Variants in NUP133 observed in about 807,000 individuals in gnomAD.
NUP133 encodes the protein nuclear pore complex protein Nup133.
In NUP133, 66 loss-of-function variants were observed where a neutral mutation model predicts 146.2. That is an observed-to-expected ratio of 0.45 (90% confidence interval 0.37 to 0.55). NUP133 has a LOEUF of 0.55. NUP133 is among the 20% of genes least tolerant of loss of function. The pLI is 0.00. For synonymous variants in NUP133, 521 were observed against 498.8 expected (o/e 1.04, Z -0.59); for missense variants, 1,277 against 1,374.8 (o/e 0.93, Z 1.12).
At chr1:229,470,509 CTT>C (rs1293291821) in intron 15 of NUP133, 69 bp downstream of exon 15, 12 of 1,273,034 alleles carry the variant, frequency 9.4e-6, no homozygotes, top group Admixed American at 1.8e-5. Context: ...TCCTCACCGT[CTT>C]TCCTGCCTAG....
chr1:229,441,241 T>C lies in NUP133; in HGVS notation c.*663A>G, dbSNP rs1660175614. 1 of 343,014 alleles carries C rather than the reference T, an allele frequency of 2.9e-6. No homozygotes were observed. Among genetic ancestry groups the C allele is most frequent in the Admixed American group, 3.7e-5 (1 of 26,692 alleles). 21.2% of individuals were successfully genotyped at this position (343,014 alleles called of 1,614,324 possible). On this transcript the variant is annotated 3_prime_UTR_variant, in exon 26 of 26. Transcript: ENST00000261396. ...CACACTGAAAGATTAGAACTAAACA[T>C]CAACAGTAATTTCTAGATAGGTTAG... is the stretch of plus-strand genomic sequence containing the variant.
chr1:229,453,999 G>A (rs901784673), intron 21 of NUP133, among the ~76,000 whole-genome samples: 4 of 151,934 alleles, frequency 2.6e-5, no homozygotes, highest in Admixed American at 1.3e-4. Context: ...GAAAATCTCC[G>A]AAATATATTG....
At chr1:229,471,946 T>C (rs116165616) in intron 14 of NUP133, among the ~76,000 whole-genome samples, 2,521 of 152,322 alleles carry the variant, frequency 0.017, 102 homozygotes, top group Admixed American at 0.077. Context: ...GTATTTAACC[T>C]GTTCACCTTA....
chr1:229,447,974 G>A (rs1054736344), intron 24 of NUP133, among the ~76,000 whole-genome samples: 14 of 152,110 alleles, frequency 9.2e-5, no homozygotes, highest in Non-Finnish European at 1.5e-4. Flanking sequence ...GCCAAAACCC[G>A]CCAAAACCCG....
At chr1:229,443,401 T>C (rs543711886) in intron 25 of NUP133, among the ~76,000 whole-genome samples, 5 of 152,224 alleles carry the variant, frequency 3.3e-5, no homozygotes, top group Admixed American at 3.3e-4. Context: ...TAGAAAAAAA[T>C]TTAAACTCCA....
intron 10 of NUP133, 23 bp from the exon 11 acceptor site, chr1:229,486,551 C>A: frequency 1.3e-6 from 2 of 1,590,002 alleles, no homozygotes; most frequent in South Asian, 2.3e-5. Context: ...AAAACAGAGT[C>A]AAATACATCT....
At chr1:229,478,496 C>A (rs1341200650) in intron 12 of NUP133, among the ~76,000 whole-genome samples, 2 of 151,950 alleles carry the variant, frequency 1.3e-5, no homozygotes, top group Non-Finnish European at 2.9e-5. Context: ...ACATCCACAT[C>A]CGTCCGCAAG....
intron 1 of NUP133, 145 bp from the exon 2 acceptor site, chr1:229,506,303 T>C (rs145771425): frequency 3.2e-5 from 16 of 502,236 alleles, no homozygotes; most frequent in African/African-American, 2.7e-4. Flanking sequence ...ATGTAATATT[T>C]TTCATGTAAA....
intron 14 of NUP133, among the ~76,000 whole-genome samples, chr1:229,475,389 G>C (rs1004238197): frequency 6.6e-6 from 1 of 152,090 alleles, no homozygotes; most frequent in African/African-American, 2.4e-5. Context: ...ATACAAAATC[G>C]ACTCATGAAA....
intron 4 of NUP133, 64 bp from the exon 5 acceptor site, chr1:229,499,882 G>A (rs2102784963): frequency 6.6e-7 from 1 of 1,524,458 alleles, no homozygotes; most frequent in Non-Finnish European, 9.0e-7. Flanking sequence ...CCAGCAGTCT[G>A]ATGGCAATGA....
In NUP133 at chr1:229,508,158, G is replaced by A. The variant is rs368768737; in HGVS notation, c.92C>T (p.Thr31Met). 2.6e-5 allele frequency: 41 copies of A among 1,593,706 alleles called. No homozygotes were observed. Among genetic ancestry groups the A allele is most frequent in the African/African-American group, 5.4e-5 (4 of 73,806 alleles). Reference sequence around the variant, plus strand: ...CAGGGGCAGACCCTTCCTGCTAGCCGTCCGGGGCGTGGAGCCGGGCCCGAG... The same window carrying A: ...CAGGGGCAGACCCTTCCTGCTAGCCATCCGGGGCGTGGAGCCGGGCCCGAG... ...AGLGPGSTPR[T>M]ASRKGLPLGS... Residue 31 changes from threonine (T) to methionine (M), a missense_variant, in exon 1 of 26, where the codon ACG (threonine) becomes ATG (methionine). This residue lies in a region of NUP133 where 319 missense variants were observed against 306.9 expected (regional missense o/e 1.04). Transcript: ENST00000261396.
chr1:229,508,065 T>C lies in NUP133; in HGVS notation c.182+3A>G. 6 of 1,486,372 alleles carry C rather than the reference T, an allele frequency of 4.0e-6. No homozygotes were observed. The highest frequency in any genetic ancestry group is 5.4e-6 in the Non-Finnish European group (6 of 1,115,546). The allele number at this position is 1,486,372 out of a possible 1,614,324, so 92.1% of individuals were successfully genotyped here. On this transcript the variant is annotated splice_donor_region_variant and intron_variant, in intron 1 of 25. Transcript: ENST00000261396. ...GCCAGACCCAACCAGGGAGATCACT[T>C]ACCGCGAGCTTAGCGAGCTACGCCG...
At chr1:229,461,326 GGGT>G (rs1660685080) in intron 19 of NUP133, among the ~76,000 whole-genome samples, 1 of 152,192 alleles carries the variant, frequency 6.6e-6, no homozygotes, top group Admixed American at 6.5e-5. Flanking sequence ...TGGAGTGTTG[GGGT>G]GGTGTGGAGG....
At position 229,479,911 on chromosome 1, in the gene NUP133, C is replaced by T. The variant is rs563199825; in HGVS notation, c.1593-2151G>A. On this transcript the variant is annotated intron_variant, in intron 12 of 25. Transcript: ENST00000261396. ...ACAGATAAGGTGGTAACTCAAAGGA[C>T]GCAAAGTCAAAGACTGGTCTTTTTA... 9.2e-5 allele frequency among the ~76,000 whole-genome samples: 14 copies of T among 152,170 alleles called. No individual in the cohort carries two copies. The South Asian group carries it at 1.2e-3, about 14-fold the overall frequency.
chr1:229,462,928 G>A (rs1443199526), intron 19 of NUP133, among the ~76,000 whole-genome samples: 2 of 152,086 alleles, frequency 1.3e-5, no homozygotes, highest in Admixed American at 6.6e-5. Flanking sequence ...GTAAAGCTAA[G>A]CTCTCTTAAA....
chr1:229,458,189 T>C lies in NUP133; in HGVS notation c.2952A>G (p.Ser984=). ...CAATTTTTTCTTGTAGCATATCCTC[T>C]GAAAAGTCTGAAGCTAATGCAGCCA... ...SKLAALASDF[S]EDMLQEKIEE... Residue 984 remains serine, a synonymous_variant, in exon 21 of 26, where the codon TCA becomes TCG. Transcript: ENST00000261396. The C allele has an allele frequency of 6.2e-7, 1 of 1,613,358 alleles. No homozygotes were observed. The highest frequency in any genetic ancestry group is 1.1e-5 in the South Asian group (1 of 91,008).
At chr1:229,492,163 G>A (rs1005087421) in intron 8 of NUP133, among the ~76,000 whole-genome samples, 12 of 150,504 alleles carry the variant, frequency 8.0e-5, no homozygotes, top group Admixed American at 3.3e-4. Flanking sequence ...CTGCAGTGCC[G>A]GGGCGTGATC....
At chr1:229,490,129 A>G (rs1661470150) in intron 8 of NUP133, 27 bp from the exon 9 acceptor site, 3 of 1,483,720 alleles carry the variant, frequency 2.0e-6, no homozygotes, top group East Asian at 2.4e-5. Flanking sequence ...GAAGATGTAA[A>G]GCCTCTCTAA....
At position 229,441,977 on chromosome 1, in the gene NUP133, C is replaced by T; in HGVS notation, c.3398G>A (p.Ser1133Asn). 6.3e-7 allele frequency: 1 copy of T among 1,594,242 alleles called. No homozygotes were observed. The highest frequency in any genetic ancestry group is 8.5e-7 in the Non-Finnish European group (1 of 1,174,786). Residue 1133 changes from serine to asparagine, a missense_variant, in exon 26 of 26, where the codon AGC becomes AAC. By Grantham distance (46) the Ser-to-Asn change is conservative (BLOSUM62 1). Around this residue, in one of 3 missense-constraint regions of NUP133, gnomAD observed 952 missense variants for 1,047.0 expected, o/e 0.91. Transcript: ENST00000261396. ...KDLLQADQLG[S>N]LKSNPYFEFV... Reference sequence around the variant, plus strand: ...CTCGAAGTAAGGATTGGACTTTAAGCTTCCAAGCTGATCCGCTTGTAGCAG... The same window carrying T: ...CTCGAAGTAAGGATTGGACTTTAAGTTTCCAAGCTGATCCGCTTGTAGCAG...
Sources: gnomAD v4.1 joint callset for allele counts (sites outside exome capture counted in the v4.1 genomes callset) on GRCh38, gnomAD v4.1.1 for gene constraint, gnomAD v4.1.1 regional missense constraint, MANE v1.5 for transcripts, NCBI Gene and HGNC (gene_info 2026-07-23, HGNC 2026-07-21) for gene names.